PUDP: variants seen among roughly 807,000 people sequenced by gnomAD.
PUDP encodes the protein pseudouridine 5'-phosphatase.
In PUDP, 8 loss-of-function variants were observed where a neutral mutation model predicts 9.4. That is an observed-to-expected ratio of 0.85 (90% CI 0.50 to 1.53). The LOEUF is 1.53. PUDP is among the 40% of genes most tolerant of loss of function. The pLI is 0.00. For synonymous variants in PUDP, 99 were observed against 80.7 expected (o/e 1.23, Z -1.22); for missense variants, 188 against 189.7 (o/e 0.99, Z 0.05).
intron 1 of PUDP, among the ~76,000 whole-genome samples, chrX:7,110,568 G>A (rs988282557): frequency 2.7e-5 from 3 of 111,786 alleles, no homozygotes; most frequent in African/African-American, 6.5e-5. Context: ...AATCTCATCT[G>A]TTACATGCAG....
At chrX:6,953,635 C>T (rs750207929) in intron 3 of PUDP, among the ~76,000 whole-genome samples, 12 of 111,065 alleles carry the variant, frequency 1.1e-4, no homozygotes, top group Non-Finnish European at 1.9e-4. Context: ...TTCTACTGCA[C>T]GGACACACTC....
chrX:7,120,827 A>G (rs775666553), intron 1 of PUDP, among the ~76,000 whole-genome samples: 1 of 112,663 alleles, frequency 8.9e-6, no homozygotes, highest in East Asian at 2.8e-4. Flanking sequence ...CATAAAAACT[A>G]CTGGTACACA....
chrX:6,712,446 A>G (rs143372953), intron 1 of PUDP, among the ~76,000 whole-genome samples: 1,281 of 112,253 alleles, frequency 0.011, 19 homozygotes, highest in African/African-American at 0.038. Context: ...CACCACGCCC[A>G]GCCTATGAGC....
intron 3 of PUDP, among the ~76,000 whole-genome samples, chrX:6,970,464 G>A (rs750546291): frequency 6.3e-5 from 7 of 111,476 alleles, no homozygotes; most frequent in African/African-American, 1.3e-4. Flanking sequence ...GGATTTGAGC[G>A]AACCCAAGAT....
chrX:6,989,986 G>A (rs1929154664), intron 1 of PUDP, among the ~76,000 whole-genome samples: 2 of 110,772 alleles, frequency 1.8e-5, no homozygotes, highest in Middle Eastern at 4.6e-3. Flanking sequence ...GGACTTTGGT[G>A]TCTTAGTCCC....
intron 3 of PUDP, among the ~76,000 whole-genome samples, chrX:6,779,936 A>G (rs895482207): frequency 2.7e-5 from 3 of 110,851 alleles, no homozygotes; most frequent in Non-Finnish European, 3.8e-5. Flanking sequence ...CAAAAAATTC[A>G]AAAATGAAAA....
intron 3 of PUDP, among the ~76,000 whole-genome samples, chrX:7,064,129 T>C (rs1930481809): frequency 9.0e-6 from 1 of 111,453 alleles, no homozygotes; most frequent in African/African-American, 3.3e-5. Context: ...ACGTTTCTCT[T>C]TATGTTGGGA....
At chrX:7,129,094 G>A (rs189576891) in intron 1 of PUDP, among the ~76,000 whole-genome samples, 2 of 111,580 alleles carry the variant, frequency 1.8e-5, no homozygotes, top group East Asian at 2.8e-4. Context: ...CTTAGCCTTC[G>A]GGCAACCATT....
Position 6,975,204 on chromosome X carries a change from C to T in PUDP, c.*247+1929G>A, listed in dbSNP as rs546134394. Among the ~76,000 whole-genome samples, 13 of 110,198 alleles carry T rather than the reference C, an allele frequency of 1.2e-4. No homozygotes were observed. In the South Asian group the frequency reaches 4.7e-3, roughly 40 times the overall value. On this transcript the variant is annotated intron_variant and NMD_transcript_variant, in intron 3 of 3. Transcript: ENST00000655425. ...TTTGTTATTACCCACTTTCTGAAGC[C>T]TATTTCTGTCAATTCATCAAACTCA...
intron 3 of PUDP, among the ~76,000 whole-genome samples, chrX:6,856,997 T>C (rs1430005829): frequency 8.9e-6 from 1 of 112,651 alleles, no homozygotes; most frequent in Non-Finnish European, 1.9e-5. Context: ...GCTAGTTAGA[T>C]GGTTCTGATC....
intron 1 of PUDP, among the ~76,000 whole-genome samples, chrX:6,710,901 T>C (rs1356924761): frequency 8.9e-6 from 1 of 111,908 alleles, no homozygotes; most frequent in Non-Finnish European, 1.9e-5. Flanking sequence ...CAAAGCCTCA[T>C]TGTTGTAAAT....
chrX:6,932,072 ATG>A (rs972613922), intron 3 of PUDP, among the ~76,000 whole-genome samples: 6 of 111,772 alleles, frequency 5.4e-5, no homozygotes, highest in African/African-American at 9.8e-5. Context: ...ACGCACAAAT[ATG>A]TGTGTGTGTT....
At chrX:6,976,946 T>C (rs946552136) in intron 3 of PUDP, among the ~76,000 whole-genome samples, 1 of 112,144 alleles carries the variant, frequency 8.9e-6, no homozygotes, top group African/African-American at 3.2e-5. Context: ...ATTGCAAACA[T>C]TAACTAACAT....
chrX:6,844,908 T>C (rs1466230577), intron 3 of PUDP, among the ~76,000 whole-genome samples: 1 of 112,086 alleles, frequency 8.9e-6, no homozygotes, highest in African/African-American at 3.2e-5. Flanking sequence ...AACGAGAAGC[T>C]GGGATGTCTA....
chrX:6,837,044 G>A (rs143063885), intron 3 of PUDP, among the ~76,000 whole-genome samples: 15 of 112,567 alleles, frequency 1.3e-4, no homozygotes, highest in Non-Finnish European at 2.8e-4. Context: ...ACCAATGAGC[G>A]CATTTAAATT....
chrX:6,751,376 C>T (rs762790119), intron 3 of PUDP, among the ~76,000 whole-genome samples: 7 of 111,221 alleles, frequency 6.3e-5, no homozygotes, highest in Non-Finnish European at 1.1e-4. Context: ...TTCGCAAAGT[C>T]TCTGGTTTTC....
At chrX:7,134,284 A>G (rs1412566282) in intron 1 of PUDP, among the ~76,000 whole-genome samples, 4 of 112,215 alleles carry the variant, frequency 3.6e-5, no homozygotes, top group African/African-American at 1.3e-4. Flanking sequence ...TCAGCTGGTG[A>G]GAGTTTCAGT....
chrX:6,843,035 T>G (rs1390631619), intron 3 of PUDP, among the ~76,000 whole-genome samples: 1 of 112,573 alleles, frequency 8.9e-6, no homozygotes, highest in African/African-American at 3.2e-5. Flanking sequence ...CCTACAGAAA[T>G]GGAAAGACAA....
chrX:6,829,075 G>C (rs900895296), intron 3 of PUDP, among the ~76,000 whole-genome samples: 2 of 110,630 alleles, frequency 1.8e-5, no homozygotes, highest in South Asian at 3.9e-4. Context: ...AGAGATTCGT[G>C]CACTTAGATG....
Sources: gnomAD v4.1 joint callset for allele counts (sites outside exome capture counted in the v4.1 genomes callset) on GRCh38, gnomAD v4.1.1 for gene constraint, MANE v1.5 for transcripts, NCBI Gene and HGNC (gene_info 2026-07-23, HGNC 2026-07-21) for gene names.